The following CNST variants were observed in gnomAD, a reference collection of about 807,000 sequenced individuals.
CNST encodes the protein consortin, connexin sorting protein, also known as consortin.
CNST carries 39 observed loss-of-function variants against 72.4 expected under a neutral mutation model. The observed-to-expected ratio is 0.54, with a 90% CI of 0.42 to 0.70. The LOEUF is 0.70. Among genes scored for constraint, CNST ranks in the 30% least tolerant of loss-of-function variants. CNST has a pLI of 0.00. For missense variants in CNST, 871 were observed against 868.5 expected (o/e 1.00, Z -0.04); for synonymous variants, 332 against 320.1 (o/e 1.04, Z -0.40).
intron 9 of CNST, among the ~76,000 whole-genome samples, chr1:246,655,594 T>A (rs1002079673): frequency 9.9e-5 from 15 of 152,204 alleles, no homozygotes; most frequent in Non-Finnish European, 1.9e-4. Flanking sequence ...AAGATAAGAA[T>A]TTTTGCTAGA....
At chr1:246,635,790 G>A (rs1391088426) in intron 6 of CNST, among the ~76,000 whole-genome samples, 1 of 152,160 alleles carries the variant, frequency 6.6e-6, no homozygotes, top group Non-Finnish European at 1.5e-5. Flanking sequence ...AGCCCAGGTG[G>A]CAGGACCGTA....
chr1:246,586,139 G>GTA (rs1198864177), intron 1 of CNST, among the ~76,000 whole-genome samples: 5 of 145,318 alleles, frequency 3.4e-5, no homozygotes, highest in African/African-American at 1.3e-4. Flanking sequence ...GTGTGTGTGT[G>GTA]TGTATATATT....
rs13375360 is a variant in CNST, at chr1:246,620,709, G to A, written c.380-720G>A. ...CACTACAGGGAGGACGGCTTCAGTC[G>A]TGGTGCATACACACGATGGGCTCTG... On this transcript the variant is annotated intron_variant, in intron 2 of 10. Transcript: ENST00000366513. Among the ~76,000 whole-genome samples the A allele has an allele frequency of 3.6e-3, 492 of 135,114 alleles. 5 individuals carry two copies. The highest frequency in any genetic ancestry group is 0.013 in the African/African-American group (456 of 34,884). 88.6% of individuals were successfully genotyped at this position (135,114 alleles called of 152,430 possible). A position where few individuals can be genotyped will look rare whatever the true frequency, so the allele number is the denominator to read the frequency against.
At chr1:246,662,914 A>G (rs910862842) in intron 10 of CNST, among the ~76,000 whole-genome samples, 5 of 152,254 alleles carry the variant, frequency 3.3e-5, no homozygotes, top group Non-Finnish European at 7.3e-5. Flanking sequence ...TCTAGGACAT[A>G]TAAATAAAAC....
At chr1:246,638,851 A>T (rs1171969346) in intron 6 of CNST, among the ~76,000 whole-genome samples, 1 of 152,152 alleles carries the variant, frequency 6.6e-6, no homozygotes, top group Middle Eastern at 3.2e-3. Flanking sequence ...TTCAGGTAAG[A>T]GCATGGCCAG....
intron 3 of CNST, among the ~76,000 whole-genome samples, chr1:246,627,779 G>A (rs1664532161): frequency 6.6e-6 from 1 of 151,984 alleles, no homozygotes; most frequent in South Asian, 2.1e-4. Flanking sequence ...AGGCTAAAGT[G>A]GTGACAGTGG....
chr1:246,595,487 C>A (rs1159956922), intron 2 of CNST, among the ~76,000 whole-genome samples: 2 of 152,172 alleles, frequency 1.3e-5, no homozygotes, highest in Non-Finnish European at 2.9e-5. Flanking sequence ...TTGCTTCCAT[C>A]CTCCATGTCA....
intron 1 of CNST, among the ~76,000 whole-genome samples, chr1:246,579,431 C>G (rs957902058): frequency 1.3e-5 from 2 of 152,222 alleles, no homozygotes; most frequent in Admixed American, 1.3e-4. Context: ...TTATTGAACT[C>G]TTAGTGCTAT....
At chr1:246,590,844 A>T (rs1165985787) in intron 1 of CNST, among the ~76,000 whole-genome samples, 1 of 147,500 alleles carries the variant, frequency 6.8e-6, no homozygotes, top group Non-Finnish European at 1.5e-5. Flanking sequence ...AGAGTAGCCT[A>T]GAGTTAACCA....
chr1:246,585,662 A>ATACAC (rs1259566058), intron 1 of CNST, among the ~76,000 whole-genome samples: 4 of 57,808 alleles, frequency 6.9e-5, no homozygotes, highest in Non-Finnish European at 1.0e-4. Flanking sequence ...AAAAAAAAAA[A>ATACAC]ATATACACAC....
chr1:246,595,849 C>T (rs1239653871), intron 2 of CNST, among the ~76,000 whole-genome samples: 1 of 152,156 alleles, frequency 6.6e-6, no homozygotes, highest in African/African-American at 2.4e-5. Flanking sequence ...TTTTCAATTA[C>T]TACTGTCCAA....
chr1:246,580,404 A>T (rs1660705047), intron 1 of CNST, among the ~76,000 whole-genome samples: 1 of 151,750 alleles, frequency 6.6e-6, no homozygotes, highest in East Asian at 1.9e-4. Flanking sequence ...ACAGTTGGAC[A>T]TTATTTTGCC....
rs201486368 is a variant in CNST at position 246,653,003 on chromosome 1, C to CA, written c.1836+4981dup. On this transcript the variant is annotated intron_variant, in intron 9 of 10. Transcript: ENST00000366513. ...TGGGCTACAGAGTGAGACTCTGTCT[C>CA]AAAAAAAAAAAAAAAGAAAGCTTTT... Among the ~76,000 whole-genome samples the CA allele has an allele frequency of 9.5e-3, 968 of 101,366 alleles. 3 individuals are homozygous for CA. Among genetic ancestry groups the CA allele is most frequent in the Admixed American group, 0.017 (158 of 9,454 alleles). 66.5% of individuals were successfully genotyped at this position (101,366 alleles called of 152,430 possible). A position where few individuals can be genotyped will look rare whatever the true frequency, so the allele number is the denominator to read the frequency against.
chr1:246,638,454 G>A (rs890706625), intron 6 of CNST, among the ~76,000 whole-genome samples: 7 of 152,180 alleles, frequency 4.6e-5, no homozygotes, highest in African/African-American at 1.7e-4. Context: ...TGAGAGAGCC[G>A]TTTATGACAG....
chr1:246,633,538 C>T (rs1394795452), intron 4 of CNST, among the ~76,000 whole-genome samples: 2 of 151,736 alleles, frequency 1.3e-5, no homozygotes, highest in Non-Finnish European at 2.9e-5. Flanking sequence ...GTGAGGAGTT[C>T]GAGACGAGCC....
At chr1:246,603,045 A>AT (rs907979381) in intron 2 of CNST, among the ~76,000 whole-genome samples, 1 of 152,280 alleles carries the variant, frequency 6.6e-6, no homozygotes, top group South Asian at 2.1e-4. Context: ...TGAGTTAGGT[A>AT]TTTTTTAAGT....
intron 1 of CNST, among the ~76,000 whole-genome samples, chr1:246,568,701 C>T (rs1007563584): frequency 7.2e-5 from 11 of 152,118 alleles, no homozygotes; most frequent in Non-Finnish European, 1.0e-4. Context: ...TTCAGCCTCC[C>T]GAGTAGCTGG....
chr1:246,640,547 TTAAAC>T (rs1227916991), intron 6 of CNST, among the ~76,000 whole-genome samples: 1 of 152,186 alleles, frequency 6.6e-6, no homozygotes, highest in Non-Finnish European at 1.5e-5. Context: ...ACAATAGTGT[TTAAAC>T]TAGTGCAAAT....
Position 246,647,365 on chromosome 1 carries a change from C to T in CNST, c.1164C>T (p.Asp388=). The change falls in exon 9 of 11, where the codon GAC becomes GAT. Residue 388 remains aspartate (D), a synonymous_variant. Coordinates refer to ENST00000366513, the MANE Select transcript of CNST (RefSeq NM_152609.3). ...CAGCAGGGAGCCCGTCTGGGCCAGA[C>T]TCTTCTGAGGATGCTTGTGAGGATG... ...SETAGSPSGP[D]SSEDACEDDS... is the part of the protein sequence containing the mutation. The T allele has an allele frequency of 6.2e-7, 1 of 1,614,120 alleles. No homozygotes were observed. The highest frequency in any genetic ancestry group is 1.7e-5 in the Admixed American group (1 of 60,022).
Sources: allele counts gnomAD v4.1 joint callset (sites outside exome capture counted in the v4.1 genomes callset), GRCh38; gene constraint gnomAD v4.1.1; transcripts MANE v1.5; gene names NCBI Gene and HGNC (gene_info 2026-07-23, HGNC 2026-07-21).